Variants in PDE10A observed in about 807,000 individuals in gnomAD.
PDE10A encodes phosphodiesterase 10A.
PDE10A carries 39 observed loss-of-function variants against 97.7 expected under a neutral mutation model. That is an observed-to-expected ratio of 0.40 (90% CI 0.31 to 0.52). The LOEUF is 0.52. Ranked by LOEUF, PDE10A falls within the 20% of genes least tolerant of loss-of-function variation. The pLI is 0.56. For missense variants in PDE10A, 731 were observed against 1,047.8 expected, an observed-to-expected ratio of 0.70 and a Z score of 4.17; for synonymous variants, 371 against 376.8, an observed-to-expected ratio of 0.98 and a Z score of 0.18.
At chr6:165,687,883 C>A (rs1449948253) in intron 1 of PDE10A, among the ~76,000 whole-genome samples, 1 of 152,152 alleles carries the variant, frequency 6.6e-6, no homozygotes, top group Non-Finnish European at 1.5e-5. Context: ...GGCCTGGAAG[C>A]TTGAAATGTG....
intron 1 of PDE10A, among the ~76,000 whole-genome samples, chr6:165,920,378 T>C (rs1184837212): frequency 6.6e-6 from 1 of 152,220 alleles, no homozygotes; most frequent in African/African-American, 2.4e-5. Flanking sequence ...CTTTCAAAAA[T>C]TTAAACCAAT....
At chr6:165,487,437 T>C (rs1354284571) in intron 2 of PDE10A, among the ~76,000 whole-genome samples, 2 of 152,188 alleles carry the variant, frequency 1.3e-5, no homozygotes, top group East Asian at 3.9e-4. Context: ...GTTGTACCAT[T>C]ATTTCATTAT....
chr6:165,493,055 G>C (rs1466776869), intron 2 of PDE10A, among the ~76,000 whole-genome samples: 1 of 152,118 alleles, frequency 6.6e-6, no homozygotes, highest in Non-Finnish European at 1.5e-5. Flanking sequence ...ACCAAGCTGA[G>C]ACTTGAATCA....
At chr6:165,852,652 G>C (rs1044112881) in intron 1 of PDE10A, among the ~76,000 whole-genome samples, 5 of 152,184 alleles carry the variant, frequency 3.3e-5, no homozygotes, top group Non-Finnish European at 7.3e-5. Flanking sequence ...TGTGAGCAAG[G>C]TTCCTGTTTT....
chr6:165,907,412 C>A (rs1202795643), intron 1 of PDE10A, among the ~76,000 whole-genome samples: 13 of 152,230 alleles, frequency 8.5e-5, no homozygotes, highest in Non-Finnish European at 1.5e-4. Flanking sequence ...TTCCCGGGAG[C>A]CTCGCGTTGC....
chr6:165,837,097 C>T (rs367862715), intron 1 of PDE10A, among the ~76,000 whole-genome samples: 28,093 of 149,192 alleles, frequency 0.19, 3,182 homozygotes, highest in Middle Eastern at 0.26. Flanking sequence ...ATACCTAATG[C>T]TAGATGACGA....
intron 1 of PDE10A, among the ~76,000 whole-genome samples, chr6:165,637,292 A>C (rs866639717): frequency 8.0e-4 from 122 of 152,066 alleles, no homozygotes; most frequent in African/African-American, 2.0e-3. Context: ...CAATCAAAAC[A>C]ACCACCACCA....
At chr6:165,404,915 G>GT (rs1263074625) in intron 13 of PDE10A, among the ~76,000 whole-genome samples, 1 of 152,034 alleles carries the variant, frequency 6.6e-6, no homozygotes, top group Non-Finnish European at 1.5e-5. Flanking sequence ...CAGTAGAGTT[G>GT]TATCTTTGAC....
chr6:165,506,739 T>C (rs1190010345), intron 2 of PDE10A, among the ~76,000 whole-genome samples: 1 of 152,142 alleles, frequency 6.6e-6, no homozygotes, highest in Non-Finnish European at 1.5e-5. Context: ...AGTTATAAAA[T>C]GATTCAACAT....
intron 17 of PDE10A, 135 bp from the exon 18 acceptor site, chr6:165,379,501 GT>G (rs1181538823): frequency 2.7e-5 from 17 of 630,712 alleles, no homozygotes; most frequent in South Asian, 5.5e-5. Flanking sequence ...GGTAACTTTT[GT>G]TTTTTTTGAA....
intron 1 of PDE10A, among the ~76,000 whole-genome samples, chr6:165,889,873 ACTCCTCCCTCACTCACTCCTCC>A (rs1324713159): frequency 3.6e-4 from 19 of 53,210 alleles, no homozygotes; most frequent in African/African-American, 1.3e-3. Flanking sequence ...CTCACTCCTC[ACTCCTCCCTCACTCACTCCTCC>A]CTCCCTCCCT....
intron 2 of PDE10A, among the ~76,000 whole-genome samples, chr6:165,484,569 C>A (rs1047101152): frequency 6.6e-6 from 1 of 152,102 alleles, no homozygotes; most frequent in African/African-American, 2.4e-5. Context: ...GTGATGCTAG[C>A]GCTGGGGAGT....
At position 165,885,101 on chromosome 6, in the gene PDE10A, G is replaced by T. The variant is rs141601708; in HGVS notation, c.-615+102428C>A. On this transcript the variant is annotated intron_variant, in intron 1 of 19. Transcript: ENST00000366882. ...CCACCCAGAGCTGGGAACTACAGGG[G>T]TGTGCTTTGTGGCTTTCAGACTCAC... is the stretch of plus-strand genomic sequence containing the variant. 7.9e-5 allele frequency among the ~76,000 whole-genome samples: 12 copies of T among 152,310 alleles called. No individual in the cohort carries two copies. In the East Asian group the frequency reaches 9.7e-4, roughly 12 times the overall value.
intron 2 of PDE10A, among the ~76,000 whole-genome samples, chr6:165,518,262 A>G (rs547120890): frequency 7.2e-5 from 11 of 152,244 alleles, no homozygotes; most frequent in Non-Finnish European, 1.2e-4. Context: ...AATGAAGAGT[A>G]ATCTTTACAG....
intron 1 of PDE10A, among the ~76,000 whole-genome samples, chr6:165,602,075 C>T (rs1452690484): frequency 1.3e-5 from 2 of 152,154 alleles, no homozygotes; most frequent in Non-Finnish European, 2.9e-5. Context: ...CTTCCCTGTC[C>T]CACTGTCCAT....
At chr6:165,974,078 C>T (rs1784777652) in intron 1 of PDE10A, among the ~76,000 whole-genome samples, 1 of 152,178 alleles carries the variant, frequency 6.6e-6, no homozygotes, top group African/African-American at 2.4e-5. Flanking sequence ...AAATTGCCTT[C>T]TCATACTGTA....
chr6:165,564,761 A>AG lies in PDE10A; in HGVS notation c.866-21194_866-21193insC, dbSNP rs1784693428. On this transcript the variant is annotated intron_variant, in intron 1 of 21. Transcript: ENST00000539869. ...GCACCGAATACATCTTACTTTAAACATTTTATTTTCTGCTTATAAAATGGA... is the reference window on the plus strand; with the variant it reads ...GCACCGAATACATCTTACTTTAAACAGTTTTATTTTCTGCTTATAAAATGGA... Among the ~76,000 whole-genome samples the AG allele has an allele frequency of 3.3e-5, 5 of 152,348 alleles. No individual in the cohort carries two copies. The South Asian group carries it at 1.0e-3, about 32-fold the overall frequency.
intron 1 of PDE10A, among the ~76,000 whole-genome samples, chr6:165,950,148 C>T (rs1783908084): frequency 6.6e-6 from 1 of 152,006 alleles, no homozygotes; most frequent in Non-Finnish European, 1.5e-5. Context: ...GAAAATATGA[C>T]CTATTTCTTT....
chr6:165,333,634 C>T lies in PDE10A; in HGVS notation c.3066-507G>A, dbSNP rs1037978841. 7.2e-5 allele frequency among the ~76,000 whole-genome samples: 11 copies of T among 152,218 alleles called. 1 individual carries two copies. The highest frequency in any genetic ancestry group is 2.7e-4 in the African/African-American group (11 of 41,458). On this transcript the variant is annotated intron_variant, in intron 21 of 21. Coordinates refer to ENST00000539869, the MANE Select transcript of PDE10A (RefSeq NM_001385079.1). Reference sequence around the variant, plus strand: ...GTATGTACAAAGTCATCCTAAGTTACACCTGGCAAAACTTCGGAAATTTTC... The same window carrying T: ...GTATGTACAAAGTCATCCTAAGTTATACCTGGCAAAACTTCGGAAATTTTC...
Sources: gnomAD v4.1 joint callset for allele counts (sites outside exome capture counted in the v4.1 genomes callset) on GRCh38, gnomAD v4.1.1 for gene constraint, MANE v1.5 for transcripts, NCBI Gene and HGNC (gene_info 2026-07-23, HGNC 2026-07-21) for gene names.